Variants in GPM6B observed in about 807,000 individuals in gnomAD.
GPM6B encodes the protein glycoprotein M6B.
In GPM6B, 4 loss-of-function variants were observed where a neutral mutation model predicts 27.2. That is an observed-to-expected ratio of 0.15 (90% confidence interval 0.07 to 0.34). The LOEUF (loss-of-function observed/expected upper bound fraction) is 0.34, where lower values mean the gene tolerates loss of function less well. GPM6B is among the 10% of genes least tolerant of loss of function. GPM6B has a pLI of 1.00. For missense variants in GPM6B, 183 were observed against 261.9 expected (o/e 0.70, Z 2.08); for synonymous variants, 124 against 103.1 (o/e 1.20, Z -1.23).
chrX:13,826,730 C>G (rs902492651), intron 1 of GPM6B, among the ~76,000 whole-genome samples: 1 of 110,235 alleles, frequency 9.1e-6, no homozygotes. Flanking sequence ...AGAGTGAGAC[C>G]CTGTTTTTTG....
chrX:13,852,769 A>G (rs2049733326), intron 1 of GPM6B, among the ~76,000 whole-genome samples: 1 of 76,580 alleles, frequency 1.3e-5, no homozygotes, highest in Non-Finnish European at 2.4e-5. Context: ...GAGTACAACA[A>G]AAACTTTTTT....
intron 2 of GPM6B, among the ~76,000 whole-genome samples, chrX:13,787,498 G>A (rs981194699): frequency 4.5e-5 from 5 of 111,752 alleles, no homozygotes; most frequent in African/African-American, 1.6e-4. Context: ...AGAGGTTGCG[G>A]TGAGCCGAGA....
chrX:13,908,969 A>C (rs942021207), intron 1 of GPM6B, among the ~76,000 whole-genome samples: 2 of 111,939 alleles, frequency 1.8e-5, no homozygotes, highest in African/African-American at 6.5e-5. Flanking sequence ...GCCAAGTACT[A>C]CATTGGCAAT....
At chrX:13,833,688 T>C (rs1344476959) in intron 1 of GPM6B, among the ~76,000 whole-genome samples, 1 of 111,442 alleles carries the variant, frequency 9.0e-6, no homozygotes, top group Admixed American at 9.5e-5. Flanking sequence ...GATCACACTA[T>C]TGCACTCCAG....
intron 1 of GPM6B, among the ~76,000 whole-genome samples, chrX:13,915,221 T>C (rs1304053558): frequency 3.9e-5 from 4 of 103,857 alleles, no homozygotes; most frequent in Non-Finnish European, 7.8e-5. Context: ...GAGCTGTGAC[T>C]GTACCACTGT....
chrX:13,826,330 C>G (rs1351250527), intron 1 of GPM6B, among the ~76,000 whole-genome samples: 2 of 110,576 alleles, frequency 1.8e-5, no homozygotes, highest in Non-Finnish European at 3.8e-5. Context: ...GGAATGGGCC[C>G]CAACATGACA....
At chrX:13,894,864 A>G (rs908831124) in intron 1 of GPM6B, among the ~76,000 whole-genome samples, 3 of 112,111 alleles carry the variant, frequency 2.7e-5, no homozygotes, top group East Asian at 5.5e-4. Flanking sequence ...AGGTTTATAT[A>G]AGCAGAGAAC....
intron 1 of GPM6B, among the ~76,000 whole-genome samples, chrX:13,864,963 CAAT>C (rs2049892794): frequency 8.9e-6 from 1 of 111,880 alleles, no homozygotes; most frequent in Non-Finnish European, 1.9e-5. Context: ...AAATTAGCAA[CAAT>C]AACTAATAAT....
chrX:13,911,314 AATAGAGTC>A (rs2147057279), intron 1 of GPM6B, among the ~76,000 whole-genome samples: 1 of 112,198 alleles, frequency 8.9e-6, no homozygotes, highest in South Asian at 3.7e-4. Flanking sequence ...CCCAAATTAG[AATAGAGTC>A]ATCTCTTAAC....
intron 1 of GPM6B, among the ~76,000 whole-genome samples, chrX:13,926,436 A>AC (rs1407741874): frequency 1.6e-4 from 3 of 19,324 alleles, no homozygotes; most frequent in East Asian, 5.3e-4. Context: ...AAAAAAAAAA[A>AC]ACACACAAAA....
intron 1 of GPM6B, among the ~76,000 whole-genome samples, chrX:13,935,737 A>G: frequency 8.9e-6 from 1 of 112,220 alleles, no homozygotes; most frequent in Non-Finnish European, 1.9e-5. Context: ...AGATAAAACC[A>G]GAGTTAACAC....
rs1040506281 is a variant in GPM6B at position 13,784,564 on chromosome X, G to A, written c.369-1043C>T. Among the ~76,000 whole-genome samples the A allele has an allele frequency of 2.7e-5, 3 of 112,145 alleles. No individual in the cohort carries two copies. The Admixed American group carries it at 2.8e-4, about 11-fold the overall frequency. ...ATGTCTTTTTCAGTCTGGTGAAGAA[G>A]TTTCTTATAATCATAAGACACACTA... On this transcript the variant is annotated intron_variant, in intron 3 of 7. Transcript: ENST00000316715.
chrX:13,815,886 G>A (rs1569230374), intron 1 of GPM6B, among the ~76,000 whole-genome samples: 1 of 111,776 alleles, frequency 8.9e-6, no homozygotes, highest in South Asian at 3.7e-4. Context: ...GACTATCAGT[G>A]GACGCAAGGG....
At chrX:13,934,252 C>T (rs1921720766) in intron 1 of GPM6B, among the ~76,000 whole-genome samples, 1 of 111,103 alleles carries the variant, frequency 9.0e-6, no homozygotes, top group Non-Finnish European at 1.9e-5. Flanking sequence ...AGGGTGGGCT[C>T]CTTACTAGAT....
Position 13,786,824 on chromosome X carries a change from G to A in GPM6B, c.182-1016C>T, listed in dbSNP as rs150594674. 4.2e-3 allele frequency among the ~76,000 whole-genome samples: 462 copies of A among 110,416 alleles called. 1 individual carries two copies. Among genetic ancestry groups the A allele is most frequent in the African/African-American group, 0.015 (439 of 30,248 alleles). The stretch of plus-strand genomic sequence containing the variant: ...CATAAAGACCTGCCTCAGGGGCAGA[G>A]CCAGGTGACGTTTTCAGTTTGGAGA... On this transcript the variant is annotated intron_variant, in intron 2 of 7. Transcript: ENST00000316715.
chrX:13,805,488 T>C (rs1356724562), intron 2 of GPM6B, among the ~76,000 whole-genome samples: 4 of 112,093 alleles, frequency 3.6e-5, no homozygotes, highest in African/African-American at 1.3e-4. Flanking sequence ...ATGTATGCAC[T>C]ATGTTATCTT....
intron 1 of GPM6B, among the ~76,000 whole-genome samples, chrX:13,814,668 T>C (rs908257092): frequency 2.7e-5 from 3 of 112,072 alleles, no homozygotes; most frequent in African/African-American, 3.2e-5. Flanking sequence ...GGTGAGCAAA[T>C]TGGGAAACTA....
intron 1 of GPM6B, among the ~76,000 whole-genome samples, chrX:13,824,314 T>C (rs1382308685): frequency 2.7e-5 from 3 of 112,555 alleles, no homozygotes; most frequent in African/African-American, 9.7e-5. Flanking sequence ...GCTATTGTGA[T>C]ATTCTATCAG....
At chrX:13,777,550 G>A in intron 5 of GPM6B, 125 bp from the exon 6 acceptor site, 1 of 490,077 alleles carries the variant, frequency 2.0e-6, no homozygotes, top group Non-Finnish European at 3.6e-6. Flanking sequence ...AAGAATTGAT[G>A]GATCTGCTGT....
Sources: allele counts gnomAD v4.1 joint callset (sites outside exome capture counted in the v4.1 genomes callset), GRCh38; gene constraint gnomAD v4.1.1; transcripts MANE v1.5; gene names NCBI Gene and HGNC (gene_info 2026-07-23, HGNC 2026-07-21).